Variants in TMEM132D observed in about 807,000 individuals in gnomAD.
TMEM132D encodes the protein mature OL transmembrane protein.
Under a neutral mutation model 62.3 loss-of-function variants are expected in TMEM132D, and 21 were observed. The observed-to-expected ratio is 0.34, with a 90% confidence interval of 0.24 to 0.49. TMEM132D has a LOEUF of 0.49. TMEM132D is among the 20% of genes least tolerant of loss of function. The probability of loss-of-function intolerance (pLI) is 0.99; values close to 1 mark genes in which losing one functional copy is unlikely to be tolerated. For missense variants in TMEM132D, 1,346 were observed against 1,402.8 expected (o/e 0.96, Z 0.65); for synonymous variants, 621 against 575.6 (o/e 1.08, Z -1.13).
At chr12:129,609,415 T>C (rs1478930580) in intron 2 of TMEM132D, among the ~76,000 whole-genome samples, 2 of 151,958 alleles carry the variant, frequency 1.3e-5, no homozygotes, top group Non-Finnish European at 2.9e-5. Flanking sequence ...ACTCATCCCA[T>C]CCTTTAAAAA....
chr12:129,887,339 A>G (rs1265220727), intron 1 of TMEM132D, among the ~76,000 whole-genome samples: 3 of 152,176 alleles, frequency 2.0e-5, no homozygotes, highest in African/African-American at 4.8e-5. Context: ...ATCCACTTCT[A>G]TGAAAGTCCT....
chr12:129,861,818 C>T (rs1415280575), intron 1 of TMEM132D, among the ~76,000 whole-genome samples: 1 of 151,812 alleles, frequency 6.6e-6, no homozygotes, highest in Non-Finnish European at 1.5e-5. Flanking sequence ...TTGCAACTTC[C>T]CCAATTTCTG....
rs180735050 is a variant in TMEM132D, at chr12:129,536,587, C to T, written c.969-5382G>A. On this transcript the variant is annotated intron_variant, in intron 2 of 8. Transcript: ENST00000422113. ...TGAAGCACTTCCAGCCCGATCTGGA[C>T]GTCTTGGCCCTGCCCTCGCCAGCAG... Among the ~76,000 whole-genome samples the T allele has an allele frequency of 6.6e-5, 10 of 152,322 alleles. No individual in the cohort carries two copies. In the East Asian group the frequency reaches 1.7e-3, roughly 27 times the overall value.
At chr12:129,258,560 G>A (rs931863695) in intron 4 of TMEM132D, among the ~76,000 whole-genome samples, 2 of 152,206 alleles carry the variant, frequency 1.3e-5, no homozygotes, top group Non-Finnish European at 2.9e-5. Context: ...ATTGACATCT[G>A]TGAAGGGAAG....
intron 1 of TMEM132D, among the ~76,000 whole-genome samples, chr12:129,898,343 C>T (rs531266227): frequency 1.1e-4 from 17 of 152,174 alleles, no homozygotes; most frequent in South Asian, 8.3e-4. Flanking sequence ...AGAAAAAATA[C>T]CCATTTTTTT....
intron 3 of TMEM132D, among the ~76,000 whole-genome samples, chr12:129,468,898 A>T (rs1457184677): frequency 6.6e-6 from 1 of 152,230 alleles, no homozygotes; most frequent in African/African-American, 2.4e-5. Flanking sequence ...CCAGATGGAA[A>T]CAGATGTTTT....
intron 1 of TMEM132D, among the ~76,000 whole-genome samples, chr12:129,762,734 T>G (rs1312740948): frequency 3.3e-5 from 5 of 152,114 alleles, no homozygotes; most frequent in Non-Finnish European, 7.4e-5. Flanking sequence ...ACATATATTG[T>G]ACAAATCAAA....
At chr12:129,763,431 GC>G (rs1227796945) in intron 1 of TMEM132D, among the ~76,000 whole-genome samples, 1 of 21,092 alleles carries the variant, frequency 4.7e-5, no homozygotes. Flanking sequence ...TAGATTTCTG[GC>G]TTTTTTTTTT....
chr12:129,745,524 G>T (rs1869749142), intron 1 of TMEM132D, among the ~76,000 whole-genome samples: 1 of 152,076 alleles, frequency 6.6e-6, no homozygotes, highest in Non-Finnish European at 1.5e-5. Context: ...TGAGTGCACG[G>T]ATTCAACCCC....
chr12:129,823,200 A>C (rs115860404), intron 1 of TMEM132D, among the ~76,000 whole-genome samples: 1,680 of 152,344 alleles, frequency 0.011, 23 homozygotes, highest in African/African-American at 0.038. Context: ...AGAAACTGCC[A>C]TGCTTCCTGT....
intron 2 of TMEM132D, among the ~76,000 whole-genome samples, chr12:129,560,673 T>A (rs1314088699): frequency 6.6e-6 from 1 of 152,184 alleles, no homozygotes; most frequent in Non-Finnish European, 1.5e-5. Context: ...CAGGTGAAGG[T>A]AGCTTATGCT....
At position 129,738,865 on chromosome 12, in the gene TMEM132D, T is replaced by C. The variant is rs1869510755; in HGVS notation, c.80-38167A>G. ...AACTTTATCTGTAGAAGACAAACAA[T>C]ACGTGTCTTCTACACGTACATTATA... On this transcript the variant is annotated intron_variant, in intron 1 of 8. Coordinates refer to ENST00000422113, the MANE Select transcript of TMEM132D (RefSeq NM_133448.3). Among the ~76,000 whole-genome samples, 5 of 152,162 alleles carry C rather than the reference T, an allele frequency of 3.3e-5. No homozygotes were observed. In the South Asian group the frequency reaches 1.0e-3, roughly 32 times the overall value.
At chr12:129,119,731 G>C (rs1444016500) in intron 5 of TMEM132D, among the ~76,000 whole-genome samples, 1 of 152,184 alleles carries the variant, frequency 6.6e-6, no homozygotes. Context: ...GTCAGGCGCT[G>C]TCCTTGGTTC....
chr12:129,527,453 T>C (rs571981131), intron 3 of TMEM132D, among the ~76,000 whole-genome samples: 1 of 152,332 alleles, frequency 6.6e-6, no homozygotes, highest in East Asian at 1.9e-4. Context: ...ATCTATAATG[T>C]ACCAGCTAAG....
chr12:129,619,068 TAGC>T (rs1388319156), intron 2 of TMEM132D, among the ~76,000 whole-genome samples: 1 of 152,192 alleles, frequency 6.6e-6, no homozygotes, highest in East Asian at 1.9e-4. Flanking sequence ...AGCCTCCAAA[TAGC>T]AGGCTTTAGA....
chr12:129,529,370 G>T (rs1423680789), intron 3 of TMEM132D, among the ~76,000 whole-genome samples: 1 of 152,212 alleles, frequency 6.6e-6, no homozygotes, highest in Non-Finnish European at 1.5e-5. Flanking sequence ...CTCTGAATGT[G>T]CTGAGATTCT....
At chr12:129,135,688 A>G (rs1876537436) in intron 5 of TMEM132D, among the ~76,000 whole-genome samples, 1 of 152,174 alleles carries the variant, frequency 6.6e-6, no homozygotes, top group African/African-American at 2.4e-5. Flanking sequence ...AAGGTCTAGA[A>G]TTATGGAATT....
At chr12:129,603,802 A>C (rs1342745990) in intron 2 of TMEM132D, among the ~76,000 whole-genome samples, 2 of 152,208 alleles carry the variant, frequency 1.3e-5, no homozygotes, top group African/African-American at 4.8e-5. Context: ...CATTTGACCC[A>C]GCAATCCCAT....
intron 2 of TMEM132D, among the ~76,000 whole-genome samples, chr12:129,675,460 CAGCAAACCACCA>C (rs1211062507): frequency 1.3e-5 from 2 of 152,072 alleles, no homozygotes; most frequent in African/African-American, 4.8e-5. Context: ...TTGATGGGTG[CAGCAAACCACCA>C]AGGCACATGT....
Sources: allele counts gnomAD v4.1 joint callset (sites outside exome capture counted in the v4.1 genomes callset), GRCh38; gene constraint gnomAD v4.1.1; transcripts MANE v1.5; gene names NCBI Gene and HGNC (gene_info 2026-07-23, HGNC 2026-07-21).